The following COBL variants were observed in gnomAD, a reference collection of about 807,000 sequenced individuals.
The protein encoded by COBL is protein cordon-bleu.
A neutral mutation model predicts 98.8 loss-of-function variants in COBL; 51 were observed. That is an observed-to-expected ratio of 0.52 (90% confidence interval 0.41 to 0.65). COBL has a LOEUF of 0.65. COBL is among the 30% of genes least tolerant of loss of function. COBL has a pLI of 0.00. For synonymous variants in COBL, 634 were observed against 651.7 expected (o/e 0.97, Z 0.41); for missense variants, 1,617 against 1,617.5 (o/e 1.00, Z 0.01).
chr7:51,045,473 C>A (rs1789600752), intron 7 of COBL, among the ~76,000 whole-genome samples: 1 of 152,164 alleles, frequency 6.6e-6, no homozygotes, highest in Non-Finnish European at 1.5e-5. Flanking sequence ...CGGTGTGCTC[C>A]CATAGGCAGA....
chr7:51,160,326 G>C (rs906979994), intron 5 of COBL, among the ~76,000 whole-genome samples: 1 of 152,184 alleles, frequency 6.6e-6, no homozygotes, highest in Admixed American at 6.5e-5. Context: ...ATGGAGAGTT[G>C]AGTGGCCATA....
intron 1 of COBL, among the ~76,000 whole-genome samples, chr7:51,294,331 A>AATAAAAAT (rs1157898470): frequency 7.7e-5 from 10 of 129,940 alleles, no homozygotes; most frequent in African/African-American, 2.0e-4. Flanking sequence ...TAAATAAATA[A>AATAAAAAT]AAATAAATAA....
intron 1 of COBL, among the ~76,000 whole-genome samples, chr7:51,312,883 T>A (rs540811862): frequency 6.6e-6 from 1 of 152,320 alleles, no homozygotes; most frequent in African/African-American, 2.4e-5. Context: ...ATCCCCTTTA[T>A]AGAACCACTG....
At chr7:51,053,677 C>G (rs1046705427) in intron 7 of COBL, among the ~76,000 whole-genome samples, 1 of 152,208 alleles carries the variant, frequency 6.6e-6, no homozygotes, top group African/African-American at 2.4e-5. Context: ...TCATCCCAAG[C>G]GCCCGTCCCT....
At chr7:51,056,812 A>AC (rs1554362402) in intron 7 of COBL, among the ~76,000 whole-genome samples, 8 of 143,574 alleles carry the variant, frequency 5.6e-5, no homozygotes, top group Non-Finnish European at 1.1e-4. Flanking sequence ...GTGCTCTCCC[A>AC]ACACACACAC....
At position 51,226,509 on chromosome 7, in the gene COBL, G is replaced by A. The variant is rs544715647; in HGVS notation, c.42-6565C>T. Among the ~76,000 whole-genome samples, 178 of 140,352 alleles carry A rather than the reference G, an allele frequency of 1.3e-3. 3 individuals are homozygous for A. Among genetic ancestry groups the A allele is most frequent in the Non-Finnish European group, 1.0e-3 (69 of 66,658 alleles). The allele number at this position is 140,352 out of a possible 152,430, so 92.1% of individuals were successfully genotyped here. On this transcript the variant is annotated intron_variant, in intron 1 of 12. Coordinates refer to ENST00000265136, the MANE Select transcript of COBL (RefSeq NM_015198.5). ...AGTGCTGGGCCCAGGGAAGGAATTC[G>A]GTCACCACTGCGTTGAGTGAGTGAG...
rs769175279 is a variant in COBL at position 51,029,068 on chromosome 7, G to C, written c.2028C>G (p.Ser676Arg). ...VNSQPVNEKD[S>R]NDKNAALAPT... is the part of the protein sequence containing the mutation. ...GTGCCAAGGCAGCGTTTTTATCGTTGCTGTCCTTTTCATTCACCGGTTGGG... is the reference window on the plus strand; with the variant it reads ...GTGCCAAGGCAGCGTTTTTATCGTTCCTGTCCTTTTCATTCACCGGTTGGG... The change falls in exon 10 of 13, where the codon AGC becomes AGG. Residue 676 changes from serine (S) to arginine (R), a missense_variant. Ser to Arg is a moderately radical substitution (Grantham distance 110). Coordinates refer to ENST00000265136, the MANE Select transcript of COBL (RefSeq NM_015198.5). The C allele has an allele frequency of 2.5e-6, 4 of 1,614,182 alleles. No homozygotes were observed. The South Asian group carries it at 4.4e-5, about 18-fold the overall frequency.
In COBL at chr7:51,016,690, C is replaced by A; in HGVS notation, c.*861G>T. 1 of 357,474 alleles carries A rather than the reference C, an allele frequency of 2.8e-6. No homozygotes were observed. Among genetic ancestry groups the A allele is most frequent in the Non-Finnish European group, 5.0e-6 (1 of 200,190 alleles). 22.1% of individuals were successfully genotyped at this position (357,474 alleles called of 1,614,324 possible). On this transcript the variant is annotated 3_prime_UTR_variant, in exon 13 of 13. Coordinates refer to ENST00000265136, the MANE Select transcript of COBL (RefSeq NM_015198.5). ...CATCCAACATCCCTGCTCCTTGACCCTCTGCAGGATTCCAGAAGGCTCCCA... is the reference window on the plus strand; with the variant it reads ...CATCCAACATCCCTGCTCCTTGACCATCTGCAGGATTCCAGAAGGCTCCCA...
intron 1 of COBL, among the ~76,000 whole-genome samples, chr7:51,230,894 G>A (rs1237955685): frequency 1.3e-5 from 2 of 152,198 alleles, no homozygotes; most frequent in Non-Finnish European, 2.9e-5. Context: ...GTGAATGAAT[G>A]GAGTAAAGTC....
intron 2 of COBL, among the ~76,000 whole-genome samples, chr7:51,209,596 T>C (rs953870694): frequency 1.3e-5 from 2 of 152,098 alleles, no homozygotes; most frequent in African/African-American, 4.8e-5. Flanking sequence ...ACCCTCAGCA[T>C]AGCGAACAGA....
At chr7:51,284,129 CAAAAAAAAAAAA>C (rs71021763) in intron 1 of COBL, among the ~76,000 whole-genome samples, 1 of 66,246 alleles carries the variant, frequency 1.5e-5, no homozygotes, top group African/African-American at 6.5e-5. Flanking sequence ...ACCAAAAATA[CAAAAAAAAAAAA>C]AAAAAAAAAA....
At chr7:51,247,757 G>A (rs1032621856) in intron 1 of COBL, among the ~76,000 whole-genome samples, 4 of 152,170 alleles carry the variant, frequency 2.6e-5, no homozygotes, top group Admixed American at 1.3e-4. Flanking sequence ...TTATCCTAAG[G>A]CAGACCAATC....
At chr7:51,252,737 G>C (rs1234191133) in intron 1 of COBL, among the ~76,000 whole-genome samples, 2 of 152,102 alleles carry the variant, frequency 1.3e-5, no homozygotes, top group African/African-American at 4.8e-5. Context: ...TTCAATTTAA[G>C]CAGTAGGTTA....
chr7:51,252,856 C>A (rs560347413), intron 1 of COBL, among the ~76,000 whole-genome samples: 2 of 152,158 alleles, frequency 1.3e-5, no homozygotes, highest in East Asian at 3.9e-4. Context: ...CTCCAACAAT[C>A]TTTCACCCGG....
At chr7:51,069,260 T>A (rs147820227) in intron 7 of COBL, among the ~76,000 whole-genome samples, 183 of 152,280 alleles carry the variant, frequency 1.2e-3, no homozygotes, top group African/African-American at 4.1e-3. Flanking sequence ...GATACAAATA[T>A]GCTTACTTCC....
intron 6 of COBL, among the ~76,000 whole-genome samples, chr7:51,106,333 C>T (rs1283501608): frequency 1.3e-5 from 2 of 151,972 alleles, no homozygotes; most frequent in East Asian, 3.9e-4. Flanking sequence ...ACAAGCTATG[C>T]TTTTATTTGG....
intron 1 of COBL, among the ~76,000 whole-genome samples, chr7:51,281,200 G>A (rs1799788342): frequency 6.6e-6 from 1 of 152,138 alleles, no homozygotes; most frequent in South Asian, 2.1e-4. Flanking sequence ...GGGCTCAACA[G>A]CAGACTCACT....
At chr7:51,112,653 T>C (rs973583164) in intron 6 of COBL, among the ~76,000 whole-genome samples, 1 of 152,196 alleles carries the variant, frequency 6.6e-6, no homozygotes, top group African/African-American at 2.4e-5. Flanking sequence ...GGCTGTCCTT[T>C]GCACCTTTGG....
At chr7:51,239,829 C>T (rs1023364377) in intron 1 of COBL, among the ~76,000 whole-genome samples, 11 of 152,128 alleles carry the variant, frequency 7.2e-5, no homozygotes, top group Non-Finnish European at 1.2e-4. Flanking sequence ...TCAAGGCACA[C>T]GTTGTTTTAT....
Sources: gnomAD v4.1 joint callset for allele counts (sites outside exome capture counted in the v4.1 genomes callset) on GRCh38, gnomAD v4.1.1 for gene constraint, MANE v1.5 for transcripts, NCBI Gene and HGNC (gene_info 2026-07-23, HGNC 2026-07-21) for gene names.